Variants in GPC6 observed in about 807,000 individuals in gnomAD.
The protein encoded by GPC6 is glypican-6.
In GPC6, 14 loss-of-function variants were observed where a neutral mutation model predicts 55.2. The observed-to-expected ratio is 0.25, with a 90% CI of 0.17 to 0.40. The LOEUF (loss-of-function observed/expected upper bound fraction) is 0.40. Among genes scored for constraint, GPC6 ranks in the 10% least tolerant of loss-of-function variants. GPC6 has a pLI of 1.00. For synonymous variants in GPC6, 278 were observed against 259.6 expected, an observed-to-expected ratio of 1.07 and a Z score of -0.68; for missense variants, 641 against 708.5, an observed-to-expected ratio of 0.90 and a Z score of 1.08.
At chr13:93,773,029 T>A (rs1348763234) in intron 2 of GPC6, among the ~76,000 whole-genome samples, 1 of 152,172 alleles carries the variant, frequency 6.6e-6, no homozygotes, top group Non-Finnish European at 1.5e-5. Flanking sequence ...TTTTTTCCAA[T>A]ATATAGTAGG....
chr13:93,247,129 C>T (rs1306950981), intron 1 of GPC6, among the ~76,000 whole-genome samples: 1 of 151,982 alleles, frequency 6.6e-6, no homozygotes, highest in Non-Finnish European at 1.5e-5. Flanking sequence ...TTGCAGTACC[C>T]TTAGGAGATA....
intron 2 of GPC6, among the ~76,000 whole-genome samples, chr13:93,729,796 G>A (rs1258847635): frequency 6.6e-6 from 1 of 152,096 alleles, no homozygotes; most frequent in Admixed American, 6.6e-5. Flanking sequence ...ACAACACAAA[G>A]TAAATGGGGT....
chr13:93,852,147 G>A (rs1231451714), intron 3 of GPC6, among the ~76,000 whole-genome samples: 1 of 151,640 alleles, frequency 6.6e-6, no homozygotes, highest in Non-Finnish European at 1.5e-5. Context: ...ATACTATACC[G>A]GTTCTGAGGA....
intron 2 of GPC6, among the ~76,000 whole-genome samples, chr13:93,579,088 G>C (rs1272224669): frequency 2.0e-5 from 3 of 152,048 alleles, no homozygotes; most frequent in African/African-American, 7.2e-5. Flanking sequence ...AGCTACCAGA[G>C]GCTAGGAAGG....
intron 3 of GPC6, among the ~76,000 whole-genome samples, chr13:93,986,510 CTT>C (rs1180135543): frequency 6.6e-6 from 1 of 152,070 alleles, no homozygotes; most frequent in Admixed American, 6.6e-5. Flanking sequence ...ATTTGGGTAA[CTT>C]TGAAATAACA....
chr13:93,954,097 T>G (rs1314880596), intron 3 of GPC6, among the ~76,000 whole-genome samples: 1 of 152,172 alleles, frequency 6.6e-6, no homozygotes, highest in East Asian at 1.9e-4. Flanking sequence ...ACCGCCATTC[T>G]GCTTTCTGTC....
intron 4 of GPC6, chr13:94,154,301 TATAAC>T (rs1887850099): frequency 1.3e-5 from 2 of 152,118 alleles, no homozygotes; most frequent in African/African-American, 4.8e-5. Flanking sequence ...AAATATCAAT[TATAAC>T]ATATTGTAAC....
intron 1 of GPC6, among the ~76,000 whole-genome samples, chr13:93,294,349 A>G (rs1490300570): frequency 6.6e-6 from 1 of 152,184 alleles, no homozygotes; most frequent in Non-Finnish European, 1.5e-5. Context: ...TCTTTGATAC[A>G]TGGATTCTTT....
At chr13:93,819,126 TGAA>T (rs1886958647) in intron 2 of GPC6, among the ~76,000 whole-genome samples, 1 of 152,324 alleles carries the variant, frequency 6.6e-6, no homozygotes, top group African/African-American at 2.4e-5. Flanking sequence ...CTGAACTGTG[TGAA>T]GAAGAAGGAA....
intron 1 of GPC6, among the ~76,000 whole-genome samples, chr13:93,399,118 C>T (rs576096367): frequency 9.9e-5 from 15 of 151,944 alleles, no homozygotes; most frequent in African/African-American, 3.1e-4. Flanking sequence ...TCACATTCAC[C>T]GTGGTCTCTC....
chr13:93,756,789 G>C (rs1884784707), intron 2 of GPC6, among the ~76,000 whole-genome samples: 1 of 152,108 alleles, frequency 6.6e-6, no homozygotes, highest in African/African-American at 2.4e-5. Flanking sequence ...CTTTCAAAGT[G>C]CTACTGATAA....
chr13:93,677,055 T>C (rs1881662501), intron 2 of GPC6, among the ~76,000 whole-genome samples: 1 of 152,112 alleles, frequency 6.6e-6, no homozygotes, highest in African/African-American at 2.4e-5. Context: ...AAGAATTACA[T>C]TAGTACTAAA....
At chr13:93,640,532 A>G (rs1018684081) in intron 2 of GPC6, among the ~76,000 whole-genome samples, 27 of 152,180 alleles carry the variant, frequency 1.8e-4, no homozygotes, top group African/African-American at 6.5e-4. Context: ...ATTGCTTCCC[A>G]TCATGGAAGA....
chr13:94,208,048 A>C (rs767228338), intron 4 of GPC6, among the ~76,000 whole-genome samples: 2 of 152,192 alleles, frequency 1.3e-5, no homozygotes, highest in East Asian at 3.9e-4. Flanking sequence ...AGAGATTAGT[A>C]GTTTTTACAT....
intron 1 of GPC6, among the ~76,000 whole-genome samples, chr13:93,326,100 C>G (rs191546722): frequency 3.9e-5 from 6 of 152,024 alleles, no homozygotes; most frequent in African/African-American, 1.5e-4. Context: ...CACTCAGCAC[C>G]ACAGGGAAAA....
intron 3 of GPC6, among the ~76,000 whole-genome samples, chr13:93,934,952 A>AT (rs1444341796): frequency 6.6e-6 from 1 of 152,154 alleles, no homozygotes; most frequent in Non-Finnish European, 1.5e-5. Flanking sequence ...TAAGCTTCAT[A>AT]TTTTTTACAT....
chr13:93,294,161 T>A (rs1878404137), intron 1 of GPC6, among the ~76,000 whole-genome samples: 1 of 152,154 alleles, frequency 6.6e-6, no homozygotes, highest in Non-Finnish European at 1.5e-5. Flanking sequence ...TCCAAAGATA[T>A]TTTTTATTTG....
upstream of GPC6, among the ~76,000 whole-genome samples, chr13:93,225,632 G>A (rs1317936471): frequency 1.3e-5 from 2 of 152,140 alleles, no homozygotes; most frequent in Non-Finnish European, 1.5e-5. Context: ...TGAATCTTGA[G>A]AGTCTTTTTG....
chr13:93,510,198 T>G (rs894492032), intron 1 of GPC6, among the ~76,000 whole-genome samples: 3 of 152,162 alleles, frequency 2.0e-5, no homozygotes, highest in Non-Finnish European at 4.4e-5. Context: ...GATGTCTATC[T>G]CTTGAGTACA....
Sources: gnomAD v4.1 joint callset for allele counts (sites outside exome capture counted in the v4.1 genomes callset) on GRCh38, gnomAD v4.1.1 for gene constraint, MANE v1.5 for transcripts, NCBI Gene and HGNC (gene_info 2026-07-23, HGNC 2026-07-21) for gene names.